Variants in MIER1 observed in about 807,000 individuals in gnomAD.
The protein encoded by MIER1 is mesoderm induction early response protein 1.
A neutral mutation model predicts 75.7 loss-of-function variants in MIER1; 40 were observed. That is an observed-to-expected ratio of 0.53 (90% CI 0.41 to 0.69). The LOEUF is 0.69. Ranked by LOEUF, MIER1 falls within the 30% of genes least tolerant of loss-of-function variation. The probability of loss-of-function intolerance (pLI) is 0.00; values close to 1 mark genes in which losing one functional copy is unlikely to be tolerated. For missense variants in MIER1, 574 were observed against 680.2 expected, an observed-to-expected ratio of 0.84 and a Z score of 1.74; for synonymous variants, 213 against 223.4, an observed-to-expected ratio of 0.95 and a Z score of 0.42.
At position 66,984,754 on chromosome 1, in the gene MIER1, G is replaced by A; in HGVS notation, c.1552G>A (p.Glu518Lys). The A allele has an allele frequency of 6.2e-7, 1 of 1,613,982 alleles. No individual in the cohort carries two copies. Among genetic ancestry groups the A allele is most frequent in the Non-Finnish European group, 8.5e-7 (1 of 1,179,930 alleles). The change falls in exon 14 of 14, where the codon GAA (glutamate) becomes AAA (lysine). Residue 518 changes from glutamate (E) to lysine (K), a missense_variant. This residue lies in a region of MIER1 where 164 missense variants were observed against 154.3 expected (regional missense o/e 1.06). Transcript: ENST00000401041. ...PKLAHMTARNENDFDEKSERP... is the reference protein window; with the variant it reads ...PKLAHMTARNKNDFDEKSERP... The stretch of plus-strand genomic sequence containing the variant: ...ACTTGCCCATATGACTGCAAGAAAT[G>A]AAAATGATTTTGATGAAAAAAGTGA...
intron 8 of MIER1, among the ~76,000 whole-genome samples, chr1:66,964,816 C>T (rs1054228118): frequency 2.6e-5 from 4 of 152,080 alleles, no homozygotes; most frequent in African/African-American, 9.7e-5. Flanking sequence ...ATCTTTATTT[C>T]TTTTATTTCA....
rs564539199 is a variant in MIER1 at position 66,936,782 on chromosome 1, C to G, written c.169-3246C>G. On this transcript the variant is annotated intron_variant, in intron 2 of 13. Coordinates refer to ENST00000401041, the MANE Select transcript of MIER1 (RefSeq NM_001077700.3). ...TTGGGAGGCTGAGGCGGACGGATCA[C>G]GAGGTCAGGAGATCGAGACCATCCT... Among the ~76,000 whole-genome samples the G allele has an allele frequency of 2.0e-5, 3 of 151,474 alleles. No homozygotes were observed. The South Asian group carries it at 6.3e-4, about 32-fold the overall frequency.
intron 3 of MIER1, among the ~76,000 whole-genome samples, chr1:66,944,973 T>C (rs537317208): frequency 1.9e-4 from 29 of 152,012 alleles, no homozygotes; most frequent in Admixed American, 5.9e-4. Context: ...TGATCCTCCC[T>C]TCTTGGCCTC....
Position 66,946,174 on chromosome 1 carries a change from A to T in MIER1, c.218A>T (p.His73Leu). 1 of 1,610,386 alleles carries T rather than the reference A, an allele frequency of 6.2e-7. No homozygotes were observed. The highest frequency in any genetic ancestry group is 8.5e-7 in the Non-Finnish European group (1 of 1,179,242). Residue 73 changes from histidine to leucine, a missense_variant, in exon 4 of 14, where the codon CAT (histidine) becomes CTT (leucine). His to Leu is a moderately conservative substitution (Grantham distance 99). Around this residue, in one of 3 missense-constraint regions of MIER1, gnomAD observed 309 missense variants for 352.8 expected, o/e 0.88. Coordinates refer to ENST00000401041, the MANE Select transcript of MIER1 (RefSeq NM_001077700.3). Reference protein sequence around the residue: ...SPGGSATSDDHEFDPSADMLV... With the variant: ...SPGGSATSDDLEFDPSADMLV... ...GGAGGTTCAGCAACATCAGATGACC[A>T]TGAATTTGATCCATCAGCTGACATG...
intron 2 of MIER1, chr1:66,929,018 A>G: frequency 1.9e-6 from 2 of 1,067,088 alleles, no homozygotes; most frequent in Non-Finnish European, 2.8e-6. Flanking sequence ...CAGTTTATTC[A>G]TGCACAGATT....
chr1:66,956,204 T>A (rs1325385663), intron 4 of MIER1, among the ~76,000 whole-genome samples: 1 of 152,172 alleles, frequency 6.6e-6, no homozygotes, highest in Non-Finnish European at 1.5e-5. Flanking sequence ...GGCAGATCGC[T>A]TGCATCCAGG....
intron 1 of MIER1, 69 bp from the exon 2 acceptor site, chr1:66,926,071 CAG>C (rs1023460260): frequency 1.8e-5 from 22 of 1,204,814 alleles, no homozygotes; most frequent in Admixed American, 5.5e-5. Flanking sequence ...AAATGCGAAA[CAG>C]GGTGGATGGT....
At chr1:66,947,939 G>A in intron 4 of MIER1, 1 of 985,402 alleles carries the variant, frequency 1.0e-6, no homozygotes, top group Non-Finnish European at 1.2e-6. Flanking sequence ...TGGGTTCGGT[G>A]TTGCCTCCTC....
intron 12 of MIER1, among the ~76,000 whole-genome samples, 177 bp downstream of exon 12, chr1:66,976,899 A>G (rs1008692090): frequency 2.6e-5 from 4 of 152,324 alleles, no homozygotes; most frequent in African/African-American, 4.8e-5. Flanking sequence ...CATCTATTAT[A>G]TCTTCATAAA....
chr1:66,947,400 T>C (rs966815757), intron 4 of MIER1: 1 of 152,180 alleles, frequency 6.6e-6, no homozygotes, highest in Non-Finnish European at 1.5e-5. Flanking sequence ...CTCTGCTTGT[T>C]CTTTCCCTGT....
chr1:66,971,324 T>G (rs958760666), intron 9 of MIER1, among the ~76,000 whole-genome samples: 1 of 152,018 alleles, frequency 6.6e-6, no homozygotes, highest in Admixed American at 6.5e-5. Context: ...TTTTAATCAT[T>G]GTTTTTTTCT....
intron 12 of MIER1, among the ~76,000 whole-genome samples, chr1:66,978,336 A>G (rs940270249): frequency 6.6e-6 from 1 of 152,208 alleles, no homozygotes; most frequent in African/African-American, 2.4e-5. Context: ...AATGCTCTAA[A>G]GCCCACAGTA....
chr1:66,942,251 C>A (rs887534796), intron 3 of MIER1, among the ~76,000 whole-genome samples: 3 of 152,174 alleles, frequency 2.0e-5, no homozygotes, highest in African/African-American at 7.2e-5. Flanking sequence ...AGCATCTGTA[C>A]TTTGCAATCA....
intron 2 of MIER1, 117 bp downstream of exon 2, chr1:66,926,359 T>C (rs1044958486): frequency 1.1e-5 from 8 of 699,894 alleles, no homozygotes; most frequent in African/African-American, 1.1e-4. Flanking sequence ...GGGCCAAAAA[T>C]TTCCAGAATT....
intron 8 of MIER1, among the ~76,000 whole-genome samples, chr1:66,965,912 A>G (rs75702204): frequency 1.3e-5 from 2 of 152,234 alleles, no homozygotes; most frequent in African/African-American, 4.8e-5. Flanking sequence ...AACATGGGAT[A>G]CTTGTCTTTT....
chr1:66,954,857 C>G (rs958333446), intron 4 of MIER1, among the ~76,000 whole-genome samples: 1 of 152,070 alleles, frequency 6.6e-6, no homozygotes, highest in Non-Finnish European at 1.5e-5. Flanking sequence ...CAGGTGTGCA[C>G]CACCATGCCT....
In MIER1 at chr1:66,981,916, A is replaced by G; in HGVS notation, c.1367A>G (p.Asn456Ser). Residue 456 changes from asparagine (N) to serine (S), a missense_variant and splice_region_variant, in exon 13 of 14, where the codon AAT becomes AGT. This residue lies in a region of MIER1 where 164 missense variants were observed against 154.3 expected (regional missense o/e 1.06). Coordinates refer to ENST00000401041, the MANE Select transcript of MIER1 (RefSeq NM_001077700.3). Reference protein sequence around the residue: ...EDGTVSTANQNGVSSNGPGEI... With the variant: ...EDGTVSTANQSGVSSNGPGEI... ...GGCACTGTAAGCACTGCTAATCAAA[A>G]TGGTAAGCAACCAGAGAAACATTTC... 1 of 1,613,460 alleles carries G rather than the reference A, an allele frequency of 6.2e-7. No individual in the cohort carries two copies. Among genetic ancestry groups the G allele is most frequent in the South Asian group, 1.1e-5 (1 of 90,906 alleles).
At position 66,986,733 on chromosome 1, in the gene MIER1, G is replaced by GT. The variant is rs1289750380; in HGVS notation, c.*1835dup. On this transcript the variant is annotated 3_prime_UTR_variant, in exon 14 of 14. Coordinates refer to ENST00000401041, the MANE Select transcript of MIER1 (RefSeq NM_001077700.3). ...GTAAATCAAAGTTTTGGGTGGAAGT[G>GT]TTGAGAAGTATGAGTTTTTTGTTGT... The GT allele has an allele frequency of 3.8e-4, 130 of 342,922 alleles. No homozygotes were observed. Among genetic ancestry groups the GT allele is most frequent in the African/African-American group, 2.1e-3 (99 of 47,300 alleles). 21.2% of individuals were successfully genotyped at this position (342,922 alleles called of 1,614,324 possible).
At chr1:66,936,266 A>G (rs1654813476) in intron 2 of MIER1, among the ~76,000 whole-genome samples, 1 of 151,958 alleles carries the variant, frequency 6.6e-6, no homozygotes, top group Non-Finnish European at 1.5e-5. Context: ...TCTGTTGCCC[A>G]GGCTGGAGTG....
Sources: allele counts gnomAD v4.1 joint callset (sites outside exome capture counted in the v4.1 genomes callset), GRCh38; gene constraint gnomAD v4.1.1; regional missense constraint gnomAD v4.1.1; transcripts MANE v1.5; gene names NCBI Gene and HGNC (gene_info 2026-07-23, HGNC 2026-07-21).